The following NUBPL variants were observed in gnomAD, a reference collection of about 807,000 sequenced individuals.
The protein encoded by NUBPL is NUBP iron-sulfur cluster assembly factor, mitochondrial.
Under a neutral mutation model 45.7 loss-of-function variants are expected in NUBPL, and 31 were observed. That is an observed-to-expected ratio of 0.68 (90% confidence interval 0.51 to 0.92). The LOEUF is 0.92. Ranked by LOEUF, NUBPL falls within the 40% of genes least tolerant of loss-of-function variation. The probability of loss-of-function intolerance (pLI) is 0.00; values close to 1 mark genes in which losing one functional copy is unlikely to be tolerated. For synonymous variants in NUBPL, 144 were observed against 140.9 expected (o/e 1.02, Z -0.15); for missense variants, 401 against 398.7 (o/e 1.01, Z -0.05).
intron 7 of NUBPL, chr14:31,800,835 A>T (rs1158600355): frequency 6.6e-6 from 1 of 152,126 alleles, no homozygotes; most frequent in African/African-American, 2.4e-5. Flanking sequence ...CTTTTTAAGG[A>T]TTGGAGAGTT....
intron 4 of NUBPL, among the ~76,000 whole-genome samples, chr14:31,611,253 T>C (rs2034749612): frequency 6.6e-6 from 1 of 152,216 alleles, no homozygotes. Context: ...AAAATCTACT[T>C]GCAGAAATTG....
At chr14:31,593,887 A>C (rs2034214967) in intron 3 of NUBPL, among the ~76,000 whole-genome samples, 1 of 152,110 alleles carries the variant, frequency 6.6e-6, no homozygotes, top group South Asian at 2.1e-4. Flanking sequence ...CAAGACAGTA[A>C]TATGTATGGA....
intron 6 of NUBPL, among the ~76,000 whole-genome samples, chr14:31,698,589 C>G (rs1487031983): frequency 6.6e-6 from 1 of 152,042 alleles, no homozygotes; most frequent in Non-Finnish European, 1.5e-5. Context: ...TGGCTTTATT[C>G]ATTTTTTCAG....
chr14:31,820,325 A>G (rs2039996019), intron 7 of NUBPL, among the ~76,000 whole-genome samples: 1 of 152,078 alleles, frequency 6.6e-6, no homozygotes, highest in Non-Finnish European at 1.5e-5. Flanking sequence ...CCTTCATCAC[A>G]AACTGAAGTG....
chr14:31,602,053 G>A (rs1452801378), intron 4 of NUBPL, among the ~76,000 whole-genome samples: 2 of 152,290 alleles, frequency 1.3e-5, no homozygotes, highest in South Asian at 2.1e-4. Context: ...GGAATACTAT[G>A]CAGCCATAAA....
At chr14:31,689,562 G>A (rs2037045151) in intron 6 of NUBPL, among the ~76,000 whole-genome samples, 1 of 151,978 alleles carries the variant, frequency 6.6e-6, no homozygotes, top group Admixed American at 6.6e-5. Context: ...CTGGATATTA[G>A]ACCTTTGTCA....
intron 8 of NUBPL, chr14:31,845,548 G>C (rs111464821): frequency 0.1 from 15,448 of 152,312 alleles, 969 homozygotes; most frequent in Non-Finnish European, 0.14. Context: ...GTAATCCCAG[G>C]TACTCGGGAG....
At chr14:31,771,800 T>G in intron 6 of NUBPL, 1 of 892,408 alleles carries the variant, frequency 1.1e-6, no homozygotes, top group South Asian at 5.1e-5. Flanking sequence ...ATTACCCCAC[T>G]TCTTCCATTT....
At chr14:31,610,944 G>A (rs190319960) in intron 4 of NUBPL, among the ~76,000 whole-genome samples, 23 of 152,132 alleles carry the variant, frequency 1.5e-4, no homozygotes, top group Admixed American at 1.2e-3. Flanking sequence ...ATAATAAACA[G>A]CATGTATGAC....
chr14:31,819,519 A>G (rs974836913), intron 7 of NUBPL, among the ~76,000 whole-genome samples: 2 of 152,170 alleles, frequency 1.3e-5, no homozygotes, highest in African/African-American at 4.8e-5. Flanking sequence ...ACTAGAATGC[A>G]TAGTTGAGTT....
chr14:31,612,469 T>C lies in NUBPL; in HGVS notation c.382+13090T>C, dbSNP rs554495813. Among the ~76,000 whole-genome samples, 9 of 152,254 alleles carry C rather than the reference T, an allele frequency of 5.9e-5. No individual in the cohort carries two copies. In the East Asian group the frequency reaches 1.2e-3, roughly 20 times the overall value. Reference sequence around the variant, plus strand: ...ATGAGGTCAAGAGATAGAGACCATCTGGCCAACATGGTGAAACCCCATCTC... The same window carrying C: ...ATGAGGTCAAGAGATAGAGACCATCCGGCCAACATGGTGAAACCCCATCTC... On this transcript the variant is annotated intron_variant, in intron 4 of 10. Transcript: ENST00000281081.
intron 6 of NUBPL, among the ~76,000 whole-genome samples, chr14:31,765,385 C>T (rs780009938): frequency 2.6e-5 from 4 of 152,158 alleles, no homozygotes; most frequent in African/African-American, 4.8e-5. Flanking sequence ...ATGTTCTTAG[C>T]ATTTCGTTCT....
At chr14:31,622,781 G>A (rs972606403) in intron 4 of NUBPL, among the ~76,000 whole-genome samples, 3 of 152,274 alleles carry the variant, frequency 2.0e-5, no homozygotes, top group Non-Finnish European at 2.9e-5. Context: ...GGATGTCCAG[G>A]CAGAAGTCTG....
intron 6 of NUBPL, among the ~76,000 whole-genome samples, chr14:31,762,729 C>T (rs2038838977): frequency 6.6e-6 from 1 of 152,096 alleles, no homozygotes; most frequent in Non-Finnish European, 1.5e-5. Flanking sequence ...CTGTGGCCCA[C>T]ACTGCTAATG....
chr14:31,577,744 C>T (rs2033753087), intron 3 of NUBPL, among the ~76,000 whole-genome samples: 1 of 152,156 alleles, frequency 6.6e-6, no homozygotes, highest in Non-Finnish European at 1.5e-5. Flanking sequence ...TGGATTCTGC[C>T]TAATTTTGCA....
At chr14:31,657,059 T>C (rs1274967050) in intron 4 of NUBPL, among the ~76,000 whole-genome samples, 1 of 152,238 alleles carries the variant, frequency 6.6e-6, no homozygotes, top group Non-Finnish European at 1.5e-5. Context: ...GCGGTACAGC[T>C]ATTATATAAA....
intron 7 of NUBPL, among the ~76,000 whole-genome samples, chr14:31,810,964 G>A (rs1022061042): frequency 1.3e-5 from 2 of 152,172 alleles, no homozygotes; most frequent in Admixed American, 1.3e-4. Flanking sequence ...CTTCTGGCTT[G>A]TAGGGTTTCT....
chr14:31,826,648 G>C lies in NUBPL; in HGVS notation c.627G>C (p.Thr209=). The C allele has an allele frequency of 6.2e-7, 1 of 1,614,048 alleles. No individual in the cohort carries two copies. The highest frequency in any genetic ancestry group is 8.5e-7 in the Non-Finnish European group (1 of 1,179,962). The change falls in exon 8 of 11, where the codon ACG becomes ACC. Residue 209 remains threonine, a synonymous_variant. Coordinates refer to ENST00000281081, the MANE Select transcript of NUBPL (RefSeq NM_025152.3). The stretch of plus-strand genomic sequence containing the variant: ...GGCTAGGTGCTGTGATTGTCTCCAC[G>C]CCCCAGGACATCGCATTGATGGATG... ...IPITGAVIVS[T]PQDIALMDAH... is the part of the protein sequence containing the mutation.
chr14:31,814,208 T>A (rs1403706439), intron 7 of NUBPL, among the ~76,000 whole-genome samples: 1 of 152,236 alleles, frequency 6.6e-6, no homozygotes, highest in Non-Finnish European at 1.5e-5. Flanking sequence ...GTTTCCTGAC[T>A]CTTTAATGAT....
Sources: allele counts gnomAD v4.1 joint callset (sites outside exome capture counted in the v4.1 genomes callset), GRCh38; gene constraint gnomAD v4.1.1; transcripts MANE v1.5; gene names NCBI Gene and HGNC (gene_info 2026-07-23, HGNC 2026-07-21).